Variants in PATJ observed in about 807,000 individuals in gnomAD.
PATJ encodes PATJ crumbs cell polarity complex component.
PATJ carries 190 observed loss-of-function variants against 224.9 expected under a neutral mutation model. The observed-to-expected ratio is 0.84, with a 90% confidence interval of 0.75 to 0.95. The LOEUF is 0.95. Ranked by LOEUF, PATJ falls within the 40% of genes least tolerant of loss-of-function variation. The probability of loss-of-function intolerance (pLI) is 0.00; values close to 1 mark genes in which losing one functional copy is unlikely to be tolerated. For missense variants in PATJ, 2,121 were observed against 2,270.3 expected (o/e 0.93, Z 1.34); for synonymous variants, 769 against 820.3 (o/e 0.94, Z 1.07).
At chr1:61,809,418 G>A (rs887895643) in intron 14 of PATJ, among the ~76,000 whole-genome samples, 6 of 142,796 alleles carry the variant, frequency 4.2e-5, no homozygotes, top group South Asian at 2.2e-4. Context: ...ACAGAGTTTC[G>A]CCCTTGTTGC....
At chr1:62,133,557 G>A (rs1040958694) in intron 41 of PATJ, among the ~76,000 whole-genome samples, 5 of 152,286 alleles carry the variant, frequency 3.3e-5, no homozygotes, top group Non-Finnish European at 7.3e-5. Context: ...GTCCAGCCTA[G>A]TCGAGAGTGA....
chr1:62,066,543 C>G (rs528153777), intron 31 of PATJ, among the ~76,000 whole-genome samples: 2 of 152,218 alleles, frequency 1.3e-5, no homozygotes, highest in South Asian at 4.2e-4. Flanking sequence ...GACACCACAC[C>G]TGGCCTGTGG....
Position 61,884,075 on chromosome 1 carries a change from T to C in PATJ, c.2960-162T>C, listed in dbSNP as rs112831370. 1.3e-3 allele frequency among the ~76,000 whole-genome samples: 192 copies of C among 152,300 alleles called. 1 individual carries two copies. The highest frequency in any genetic ancestry group is 4.3e-3 in the African/African-American group (178 of 41,568). On this transcript the variant is annotated intron_variant, in intron 21 of 43. Coordinates refer to ENST00000642238, the MANE Select transcript of PATJ (RefSeq NM_001350145.3). ...TCTTTATTTTTCACCATTGTACCTA[T>C]CATCATCTGATATATTAAAGCCTTT...
intron 31 of PATJ, among the ~76,000 whole-genome samples, chr1:62,056,255 A>T (rs150524770): frequency 1.4e-4 from 22 of 152,352 alleles, no homozygotes; most frequent in African/African-American, 5.3e-4. Context: ...GTTCACCATC[A>T]TAGTTAATAT....
At chr1:62,111,452 C>G (rs930415564) in intron 34 of PATJ, among the ~76,000 whole-genome samples, 1 of 152,202 alleles carries the variant, frequency 6.6e-6, no homozygotes, top group Non-Finnish European at 1.5e-5. Flanking sequence ...TTCTAACTTA[C>G]ATTGGATATA....
At chr1:61,812,433 A>AGAGAGAGAGTGTGTGTGTGTGT (rs1397549346) in intron 14 of PATJ, among the ~76,000 whole-genome samples, 18 of 85,148 alleles carry the variant, frequency 2.1e-4, no homozygotes, top group Non-Finnish European at 3.6e-4. Flanking sequence ...AGAGAGAGAG[A>AGAGAGAGAGTGTGTGTGTGTGT]GTGTGTGTGT....
At chr1:62,156,054 TAA>T (rs34300724) in intron 43 of PATJ, among the ~76,000 whole-genome samples, 26 of 43,062 alleles carry the variant, frequency 6.0e-4, no homozygotes, top group African/African-American at 1.6e-3. Flanking sequence ...CAAGACTCTG[TAA>T]AAAAAAAAAA....
chr1:62,012,648 T>C (rs1646519543), intron 28 of PATJ, among the ~76,000 whole-genome samples: 1 of 152,192 alleles, frequency 6.6e-6, no homozygotes, highest in Admixed American at 6.5e-5. Context: ...ATATTTCCTT[T>C]AGTGATGAAA....
At chr1:61,764,261 A>C (rs1164643127) in intron 3 of PATJ, among the ~76,000 whole-genome samples, 1 of 152,126 alleles carries the variant, frequency 6.6e-6, no homozygotes, top group Admixed American at 6.6e-5. Context: ...TTCTGATTAG[A>C]AGTTCCTTGG....
At chr1:61,785,125 C>T (rs1282414000) in intron 7 of PATJ, among the ~76,000 whole-genome samples, 2 of 152,146 alleles carry the variant, frequency 1.3e-5, no homozygotes, top group Admixed American at 6.6e-5. Context: ...AAACTTCTTC[C>T]TTCAGATTGT....
chr1:62,006,639 A>G (rs957503252), intron 28 of PATJ, among the ~76,000 whole-genome samples: 3 of 152,244 alleles, frequency 2.0e-5, no homozygotes, highest in African/African-American at 4.8e-5. Flanking sequence ...GGTTAATGTT[A>G]TAACTAAGTA....
At chr1:62,084,870 C>A (rs1297250086) in intron 33 of PATJ, among the ~76,000 whole-genome samples, 1 of 152,176 alleles carries the variant, frequency 6.6e-6, no homozygotes, top group Non-Finnish European at 1.5e-5. Context: ...ATAATCCCAG[C>A]ACTTTGGGAG....
At chr1:61,879,243 C>T (rs1667762414) in intron 21 of PATJ, among the ~76,000 whole-genome samples, 1 of 152,072 alleles carries the variant, frequency 6.6e-6, no homozygotes, top group African/African-American at 2.4e-5. Flanking sequence ...CTAACATAGG[C>T]CATAGGACTC....
chr1:61,898,357 C>T (rs1307909054), intron 22 of PATJ, among the ~76,000 whole-genome samples: 1 of 152,092 alleles, frequency 6.6e-6, no homozygotes. Context: ...CCTCCTGCTC[C>T]AGCCTCCCCA....
intron 29 of PATJ, among the ~76,000 whole-genome samples, chr1:62,028,265 A>G (rs1433797061): frequency 1.3e-5 from 2 of 152,100 alleles, no homozygotes; most frequent in Non-Finnish European, 2.9e-5. Flanking sequence ...CTTCACAGGC[A>G]TGATCATAGC....
chr1:61,942,366 G>A (rs565053892), intron 27 of PATJ, among the ~76,000 whole-genome samples: 4 of 152,112 alleles, frequency 2.6e-5, no homozygotes, highest in African/African-American at 9.6e-5. Context: ...CTTCACCAAA[G>A]ACATCTGAAT....
Position 61,965,121 on chromosome 1 carries a change from C to CA in PATJ, c.3671-25007dup, listed in dbSNP as rs34267345. 5.1e-3 allele frequency among the ~76,000 whole-genome samples: 275 copies of CA among 54,364 alleles called. 72 individuals are homozygous for CA. The highest frequency in any genetic ancestry group is 0.019 in the East Asian group (9 of 476). 35.7% of individuals were successfully genotyped at this position (54,364 alleles called of 152,430 possible). ...TGGGCCACTGAAGGAGACTCTGTCTCAAAAAAAAAAAAAAAAAAAAAAAAA... is the reference window on the plus strand; with the variant it reads ...TGGGCCACTGAAGGAGACTCTGTCTCAAAAAAAAAAAAAAAAAAAAAAAAAA... On this transcript the variant is annotated intron_variant, in intron 27 of 43. Transcript: ENST00000642238.
intron 43 of PATJ, among the ~76,000 whole-genome samples, chr1:62,159,944 G>A (rs1669685357): frequency 6.6e-6 from 1 of 152,224 alleles, no homozygotes; most frequent in East Asian, 1.9e-4. Context: ...CCTCCAAGCT[G>A]CACATGGACA....
At chr1:61,816,204 TC>T (rs1284565816) in intron 14 of PATJ, among the ~76,000 whole-genome samples, 1 of 152,214 alleles carries the variant, frequency 6.6e-6, no homozygotes, top group Non-Finnish European at 1.5e-5. Context: ...TACTGGGCTT[TC>T]CAAGAGTTAT....
Sources: gnomAD v4.1 joint callset for allele counts (sites outside exome capture counted in the v4.1 genomes callset) on GRCh38, gnomAD v4.1.1 for gene constraint, MANE v1.5 for transcripts, NCBI Gene and HGNC (gene_info 2026-07-23, HGNC 2026-07-21) for gene names.